The following SLC16A2 variants were observed in gnomAD, a reference collection of about 807,000 sequenced individuals.
SLC16A2 encodes monocarboxylate transporter 8.
A neutral mutation model predicts 27.2 loss-of-function variants in SLC16A2; 3 were observed. The observed-to-expected ratio is 0.11, with a 90% CI of 0.05 to 0.28. The LOEUF is 0.28. Among genes scored for constraint, SLC16A2 ranks in the 10% least tolerant of loss-of-function variants. The pLI is 1.00. For synonymous variants in SLC16A2, 202 were observed against 187.8 expected (o/e 1.08, Z -0.62); for missense variants, 295 against 458.5 (o/e 0.64, Z 3.26).
At chrX:74,431,775 A>T (rs1052857825) in intron 1 of SLC16A2, among the ~76,000 whole-genome samples, 1 of 111,906 alleles carries the variant, frequency 8.9e-6, no homozygotes, top group African/African-American at 3.3e-5. Flanking sequence ...GAGTATGTGA[A>T]AGATCTTTGT....
At chrX:74,521,898 G>A in intron 2 of SLC16A2, among the ~76,000 whole-genome samples, 1 of 112,224 alleles carries the variant, frequency 8.9e-6, no homozygotes, top group Admixed American at 9.4e-5. Context: ...AGTATCAGGT[G>A]AGAAGCAGGC....
At chrX:74,461,104 G>A (rs1188521794) in intron 1 of SLC16A2, among the ~76,000 whole-genome samples, 1 of 112,129 alleles carries the variant, frequency 8.9e-6, no homozygotes, top group Non-Finnish European at 1.9e-5. Context: ...TGTCTTATAT[G>A]CCTTCTTATG....
chrX:74,491,095 A>G (rs1334299108), intron 1 of SLC16A2, among the ~76,000 whole-genome samples: 1 of 111,550 alleles, frequency 9.0e-6, no homozygotes, highest in Non-Finnish European at 1.9e-5. Flanking sequence ...GTGCAAAATT[A>G]TTGTCAATGA....
chrX:74,527,148 A>T (rs1930497207), intron 4 of SLC16A2, among the ~76,000 whole-genome samples: 1 of 112,317 alleles, frequency 8.9e-6, no homozygotes, highest in South Asian at 3.7e-4. Context: ...GGCATTAGCC[A>T]GTTAGAGGCC....
chrX:74,485,834 G>A (rs1356888112), intron 1 of SLC16A2, among the ~76,000 whole-genome samples: 1 of 109,718 alleles, frequency 9.1e-6, no homozygotes, highest in Non-Finnish European at 1.9e-5. Flanking sequence ...GGAGCACAGT[G>A]GACACCCTGC....
intron 1 of SLC16A2, among the ~76,000 whole-genome samples, chrX:74,485,396 G>C (rs1169633230): frequency 9.1e-6 from 1 of 109,509 alleles, no homozygotes; most frequent in Non-Finnish European, 1.9e-5. Context: ...AATATATATA[G>C]ATATCTTTAT....
At chrX:74,435,527 A>ATATATATG (rs1491325990) in intron 1 of SLC16A2, among the ~76,000 whole-genome samples, 1 of 49,755 alleles carries the variant, frequency 2.0e-5, no homozygotes, top group Admixed American at 2.3e-4. Flanking sequence ...ATATATATGC[A>ATATATATG]TATATATATG....
At chrX:74,525,698 C>G in intron 3 of SLC16A2, 52 bp from the exon 4 acceptor site, 1 of 1,198,883 alleles carries the variant, frequency 8.3e-7, no homozygotes, top group Non-Finnish European at 1.1e-6. Context: ...GTTAACCAGT[C>G]AGCTCCTCTT....
intron 1 of SLC16A2, among the ~76,000 whole-genome samples, chrX:74,447,646 G>C (rs1167201880): frequency 9.2e-6 from 1 of 108,989 alleles, no homozygotes; most frequent in African/African-American, 3.3e-5. Flanking sequence ...CTGCACTCCA[G>C]CCTGGGCAAC....
At chrX:74,454,970 T>G (rs1213249043) in intron 1 of SLC16A2, among the ~76,000 whole-genome samples, 2 of 112,352 alleles carry the variant, frequency 1.8e-5, no homozygotes, top group Non-Finnish European at 3.8e-5. Flanking sequence ...TATAAATGTC[T>G]TATTATCTGC....
intron 1 of SLC16A2, among the ~76,000 whole-genome samples, chrX:74,475,237 T>G: frequency 9.0e-6 from 1 of 110,503 alleles, no homozygotes. Context: ...CCAGTGATGA[T>G]GAGCATTTTT....
chrX:74,486,845 T>G (rs978164844), intron 1 of SLC16A2, among the ~76,000 whole-genome samples: 1 of 111,828 alleles, frequency 8.9e-6, no homozygotes, highest in African/African-American at 3.3e-5. Context: ...CAAATGTCCA[T>G]TAATGATAGA....
At chrX:74,510,034 C>T (rs1396068197) in intron 1 of SLC16A2, among the ~76,000 whole-genome samples, 3 of 112,230 alleles carry the variant, frequency 2.7e-5, no homozygotes, top group Non-Finnish European at 5.6e-5. Flanking sequence ...GTGTTTCCTC[C>T]AATTTTTTGG....
rs763601920 is a variant in SLC16A2 at position 74,532,325 on chromosome X, A to C, written c.*772A>C. On this transcript the variant is annotated 3_prime_UTR_variant, in exon 6 of 6. Transcript: ENST00000587091. ...CTCATCTCAGGCTGAGCCACATCTC[A>C]CTTTTTCGCTCAAGCTATATAATCC... is the stretch of plus-strand genomic sequence containing the variant. The C allele has an allele frequency of 8.9e-6, 1 of 112,381 alleles. No homozygotes were observed. Among genetic ancestry groups the C allele is most frequent in the African/African-American group, 3.3e-5 (1 of 30,693 alleles). The allele number at this position is 112,381 out of a possible 1,213,427, so 9.3% of individuals were successfully genotyped here.
At chrX:74,527,126 A>G (rs1930496783) in intron 4 of SLC16A2, among the ~76,000 whole-genome samples, 1 of 112,207 alleles carries the variant, frequency 8.9e-6, no homozygotes. Context: ...GTGGGAGTCC[A>G]AGGGACAGGG....
At chrX:74,526,043 A>G in intron 4 of SLC16A2, 150 bp downstream of exon 4, 2 of 660,600 alleles carry the variant, frequency 3.0e-6, no homozygotes, top group Non-Finnish European at 4.7e-6. Flanking sequence ...GCTTTTAAAC[A>G]AAGAAAATCA....
At chrX:74,479,927 C>G (rs1353001859) in intron 1 of SLC16A2, among the ~76,000 whole-genome samples, 1 of 112,288 alleles carries the variant, frequency 8.9e-6, no homozygotes, top group Non-Finnish European at 1.9e-5. Flanking sequence ...GCTACTTGGG[C>G]ATCAGGGACC....
chrX:74,520,255 C>T (rs761380268), intron 1 of SLC16A2, among the ~76,000 whole-genome samples: 8 of 110,343 alleles, frequency 7.3e-5, no homozygotes, highest in Non-Finnish European at 1.1e-4. Context: ...GATTATTTGG[C>T]GGAGAAAAGA....
chrX:74,480,449 G>T (rs139188427), intron 1 of SLC16A2, among the ~76,000 whole-genome samples: 1 of 112,257 alleles, frequency 8.9e-6, no homozygotes, highest in Non-Finnish European at 1.9e-5. Flanking sequence ...GCAAAGCCTC[G>T]CCCGGCTTTG....
Sources: gnomAD v4.1 joint callset for allele counts (sites outside exome capture counted in the v4.1 genomes callset) on GRCh38, gnomAD v4.1.1 for gene constraint, MANE v1.5 for transcripts, NCBI Gene and HGNC (gene_info 2026-07-23, HGNC 2026-07-21) for gene names.